The following FAM135B variants were observed in gnomAD, a reference collection of about 807,000 sequenced individuals.
FAM135B encodes protein FAM135B.
Under a neutral mutation model 127.7 loss-of-function variants are expected in FAM135B, and 43 were observed. The observed-to-expected ratio is 0.34, with a 90% CI of 0.26 to 0.43. FAM135B has a LOEUF of 0.43. Ranked by LOEUF, FAM135B falls within the 20% of genes least tolerant of loss-of-function variation. FAM135B has a pLI of 1.00. For synonymous variants in FAM135B, 670 were observed against 665.1 expected, an observed-to-expected ratio of 1.01 and a Z score of -0.11; for missense variants, 1,558 against 1,725.6, an observed-to-expected ratio of 0.90 and a Z score of 1.72.
At chr8:138,392,238 C>G (rs938268545) in intron 1 of FAM135B, among the ~76,000 whole-genome samples, 3 of 152,212 alleles carry the variant, frequency 2.0e-5, no homozygotes, top group Non-Finnish European at 4.4e-5. Flanking sequence ...CCCCTCCCAC[C>G]CAAATCTAGC....
At chr8:138,370,513 T>C (rs1486436139) in intron 1 of FAM135B, among the ~76,000 whole-genome samples, 1 of 152,018 alleles carries the variant, frequency 6.6e-6, no homozygotes, top group Non-Finnish European at 1.5e-5. Context: ...GTGCAGTGGC[T>C]CCATCTCGGC....
Position 138,197,603 on chromosome 8 carries a change from G to A in FAM135B, c.736C>T (p.Leu246=), listed in dbSNP as rs200693519. 6.2e-7 allele frequency: 1 copy of A among 1,614,144 alleles called. No individual in the cohort carries two copies. ...CCCCGGTAAGCGTGGAGGAGCAACAGGCACAGGTCTCGGTGCCACTTGTGT... is the reference window on the plus strand; with the variant it reads ...CCCCGGTAAGCGTGGAGGAGCAACAAGCACAGGTCTCGGTGCCACTTGTGT... ...HAHKWHRDLC[L]LLLHAYRGLR... The change falls in exon 8 of 20, where the codon CTG becomes TTG. Residue 246 remains leucine, a synonymous_variant. Coordinates refer to ENST00000395297, the MANE Select transcript of FAM135B (RefSeq NM_015912.4).
rs1401559097 is a variant in FAM135B at position 138,152,723 on chromosome 8, C to T, written c.1752G>A (p.Lys584=). 3.1e-6 allele frequency: 5 copies of T among 1,614,206 alleles called. No homozygotes were observed. The highest frequency in any genetic ancestry group is 4.2e-6 in the Non-Finnish European group (5 of 1,180,040). Residue 584 remains lysine (K), a synonymous_variant, in exon 13 of 20, where the codon AAG becomes AAA. Transcript: ENST00000395297. ...TTAGCCCAGTCCTGTCTAATCCATA[C>T]TTATCTCTAGAGCTCCTACTCTCAT... ...AQHESRSSRD[K]YGLDRTGLSK... is the part of the protein sequence containing the mutation.
At chr8:138,497,500 T>C (rs554572114), upstream of FAM135B, among the ~76,000 whole-genome samples, 319 of 151,806 alleles carry the variant, frequency 2.1e-3, 1 homozygote, top group South Asian at 0.023. Flanking sequence ...AGGAAAAGGG[T>C]CCCTGCAGAT....
At chr8:138,226,184 T>TGC (rs1554637377) in intron 7 of FAM135B, among the ~76,000 whole-genome samples, 412 of 139,280 alleles carry the variant, frequency 3.0e-3, no homozygotes, top group African/African-American at 9.8e-3. Context: ...TGTGTGTGTG[T>TGC]GCGCGCATGT....
intron 1 of FAM135B, among the ~76,000 whole-genome samples, chr8:138,379,079 TTC>T (rs1563951807): frequency 6.6e-6 from 1 of 152,154 alleles, no homozygotes; most frequent in Non-Finnish European, 1.5e-5. Flanking sequence ...GAGTGGCAAT[TTC>T]TCTCTCTTTC....
intron 1 of FAM135B, among the ~76,000 whole-genome samples, chr8:138,428,433 T>G (rs762032703): frequency 1.2e-4 from 19 of 152,120 alleles, no homozygotes; most frequent in Non-Finnish European, 2.4e-4. Context: ...TTGTGATTTC[T>G]CTGTTTACAG....
At chr8:138,445,845 G>C (rs1381117273) in intron 1 of FAM135B, among the ~76,000 whole-genome samples, 2 of 152,152 alleles carry the variant, frequency 1.3e-5, no homozygotes, top group African/African-American at 4.8e-5. Flanking sequence ...ATTCAGTTAG[G>C]AAAAGAGGAA....
chr8:138,208,774 T>C (rs983536280), intron 7 of FAM135B, among the ~76,000 whole-genome samples: 1 of 152,204 alleles, frequency 6.6e-6, no homozygotes, highest in African/African-American at 2.4e-5. Context: ...AGGAATTTCA[T>C]ATGAATCCTT....
At chr8:138,309,062 A>G (rs771584375) in intron 3 of FAM135B, 1 of 435,856 alleles carries the variant, frequency 2.3e-6, no homozygotes, top group South Asian at 1.6e-5. Context: ...CTTTTTATTT[A>G]TAATTTCTAA....
At chr8:138,303,230 A>C (rs1180969419) in intron 3 of FAM135B, among the ~76,000 whole-genome samples, 2 of 152,242 alleles carry the variant, frequency 1.3e-5, no homozygotes, top group African/African-American at 4.8e-5. Flanking sequence ...TGAGGCACAT[A>C]TACACCATGG....
intron 2 of FAM135B, among the ~76,000 whole-genome samples, chr8:138,320,986 G>A (rs1827414734): frequency 6.6e-6 from 1 of 152,142 alleles, no homozygotes; most frequent in African/African-American, 2.4e-5. Context: ...CAACCGCTCT[G>A]ACTCAGGGAC....
At chr8:138,397,472 A>G (rs1409273474) in intron 1 of FAM135B, among the ~76,000 whole-genome samples, 1 of 152,194 alleles carries the variant, frequency 6.6e-6, no homozygotes, top group Non-Finnish European at 1.5e-5. Context: ...TACATTGTAC[A>G]CTTTAAATAG....
intron 7 of FAM135B, among the ~76,000 whole-genome samples, chr8:138,197,973 G>C (rs1008701434): frequency 6.6e-6 from 1 of 152,198 alleles, no homozygotes; most frequent in African/African-American, 2.4e-5. Flanking sequence ...TCATGAAGGT[G>C]ATGAGGACAT....
rs187596931 is a variant in FAM135B at position 138,406,223 on chromosome 8, G to A, written c.-19-38221C>T. ...GTGCAGAAGCTCTTTAGTTTAATTA[G>A]ATCCCATTTGTCAATTTTGGATCTG... On this transcript the variant is annotated intron_variant, in intron 1 of 19. Transcript: ENST00000395297. Among the ~76,000 whole-genome samples, 358 of 151,980 alleles carry A rather than the reference G, an allele frequency of 2.4e-3. 1 individual carries two copies. The highest frequency in any genetic ancestry group is 7.7e-3 in the African/African-American group (320 of 41,426).
At chr8:138,353,448 ATTTC>A (rs1829899853) in intron 2 of FAM135B, among the ~76,000 whole-genome samples, 1 of 151,994 alleles carries the variant, frequency 6.6e-6, no homozygotes, top group Non-Finnish European at 1.5e-5. Context: ...TGGCTCTCAC[ATTTC>A]TTTGATTCTT....
chr8:138,367,057 C>A (rs2131210821), intron 2 of FAM135B, among the ~76,000 whole-genome samples: 1 of 152,220 alleles, frequency 6.6e-6, no homozygotes, highest in South Asian at 2.1e-4. Flanking sequence ...CCCAGCTGAG[C>A]CCAGTCCAAA....
intron 7 of FAM135B, among the ~76,000 whole-genome samples, chr8:138,201,940 A>G (rs1344610414): frequency 3.3e-5 from 5 of 151,996 alleles, no homozygotes; most frequent in Admixed American, 1.3e-4. Context: ...AGCCTTACCA[A>G]CATGGAGAAA....
intron 9 of FAM135B, among the ~76,000 whole-genome samples, chr8:138,192,914 T>C (rs1242674639): frequency 6.6e-6 from 1 of 152,174 alleles, no homozygotes; most frequent in African/African-American, 2.4e-5. Context: ...TTCATTTTTA[T>C]CCCCATTTAC....
Sources: allele counts gnomAD v4.1 joint callset (sites outside exome capture counted in the v4.1 genomes callset), GRCh38; gene constraint gnomAD v4.1.1; transcripts MANE v1.5; gene names NCBI Gene and HGNC (gene_info 2026-07-23, HGNC 2026-07-21).